The following BLVRA variants were observed in gnomAD, a reference collection of about 807,000 sequenced individuals.
BLVRA encodes BVR A.
Under a neutral mutation model 32.8 loss-of-function variants are expected in BLVRA, and 22 were observed. That is an observed-to-expected ratio of 0.67 (90% CI 0.48 to 0.96). BLVRA has a LOEUF of 0.96. BLVRA is among the 40% of genes least tolerant of loss of function. The pLI is 0.00. For synonymous variants in BLVRA, 119 were observed against 141.3 expected, an observed-to-expected ratio of 0.84 and a Z score of 1.12; for missense variants, 323 against 358.1, an observed-to-expected ratio of 0.90 and a Z score of 0.79.
At chr7:43,785,054 C>A (rs849164) in intron 2 of BLVRA, among the ~76,000 whole-genome samples, 2,001 of 152,230 alleles carry the variant, frequency 0.013, 55 homozygotes, top group African/African-American at 0.046. Flanking sequence ...CTAATGAAAT[C>A]TTAAAAAGCA....
chr7:43,777,779 C>T (rs1252718292), intron 2 of BLVRA, among the ~76,000 whole-genome samples: 2 of 152,158 alleles, frequency 1.3e-5, no homozygotes, highest in Admixed American at 6.5e-5. Flanking sequence ...TTCAGGTACA[C>T]CAATCAGACG....
intron 1 of BLVRA, among the ~76,000 whole-genome samples, chr7:43,762,802 G>A (rs1359704438): frequency 6.6e-6 from 1 of 151,764 alleles, no homozygotes; most frequent in Non-Finnish European, 1.5e-5. Flanking sequence ...AGTAGACATG[G>A]GGTTTCACCA....
intron 1 of BLVRA, among the ~76,000 whole-genome samples, chr7:43,766,591 G>A (rs1400714232): frequency 6.6e-6 from 1 of 152,190 alleles, no homozygotes; most frequent in Admixed American, 6.5e-5. Context: ...ACAATGGGGA[G>A]GAAAGGAGAG....
chr7:43,787,139 T>C lies in BLVRA; in HGVS notation c.13-765T>C, dbSNP rs1276153117. The stretch of plus-strand genomic sequence containing the variant: ...GGTTTCTCCATGTTGGCCAGGCTGG[T>C]CTGGAACTCCTGACCTCAAGTGATC... On this transcript the variant is annotated intron_variant, in intron 2 of 7. Transcript: ENST00000265523. This position sits in a 1 kb window ranked among gnomAD's most constrained non-coding sequence, Gnocchi z 4.5. Among the ~76,000 whole-genome samples the C allele has an allele frequency of 6.6e-6, 1 of 152,140 alleles. No individual in the cohort carries two copies. The highest frequency in any genetic ancestry group is 6.5e-5 in the Admixed American group (1 of 15,274).
intron 5 of BLVRA, among the ~76,000 whole-genome samples, chr7:43,796,353 A>G (rs999376470): frequency 1.3e-5 from 2 of 152,182 alleles, no homozygotes; most frequent in African/African-American, 4.8e-5. Flanking sequence ...AGAAACAAAA[A>G]TCTGAACAGA....
intron 2 of BLVRA, among the ~76,000 whole-genome samples, chr7:43,778,935 C>T (rs1431801168): frequency 1.3e-5 from 2 of 152,244 alleles, no homozygotes; most frequent in Non-Finnish European, 2.9e-5. Flanking sequence ...AGCGAGACTC[C>T]GTGGGCATAG....
chr7:43,805,427 C>T (rs1290235065), intron 7 of BLVRA, among the ~76,000 whole-genome samples: 7 of 152,026 alleles, frequency 4.6e-5, no homozygotes, highest in East Asian at 3.9e-4. Flanking sequence ...GGATTATAGG[C>T]GCCTGCCACC....
intron 2 of BLVRA, among the ~76,000 whole-genome samples, chr7:43,781,003 C>T (rs761654607): frequency 1.6e-4 from 25 of 152,150 alleles, no homozygotes; most frequent in African/African-American, 1.7e-4. Context: ...AAAAATTAGG[C>T]GTAGTGGCAC....
At chr7:43,803,538 T>TA in intron 6 of BLVRA, 138 bp from the exon 7 acceptor site, 1 of 941,728 alleles carries the variant, frequency 1.1e-6, no homozygotes, top group South Asian at 1.3e-5. Flanking sequence ...GTTGCCTGCC[T>TA]ACCACATAAG....
intron 2 of BLVRA, among the ~76,000 whole-genome samples, chr7:43,776,777 A>G (rs969730074): frequency 8.6e-5 from 13 of 151,980 alleles, no homozygotes; most frequent in African/African-American, 2.7e-4. Flanking sequence ...GTGGGAGTCT[A>G]AGTCTCTTTG....
intron 2 of BLVRA, among the ~76,000 whole-genome samples, chr7:43,777,972 G>A (rs2095763440): frequency 6.6e-6 from 1 of 152,132 alleles, no homozygotes; most frequent in Admixed American, 6.5e-5. Context: ...CGTAGTTCTC[G>A]AGCCTTGGCT....
At position 43,806,960 on chromosome 7, in the gene BLVRA, G is replaced by A. The variant is rs1292263352; in HGVS notation, c.633-17G>A. 1.2e-6 allele frequency: 2 copies of A among 1,613,212 alleles called. No individual in the cohort carries two copies. The highest frequency in any genetic ancestry group is 2.2e-5 in the South Asian group (2 of 90,972). On this transcript the variant is annotated splice_polypyrimidine_tract_variant and intron_variant, in intron 7 of 7. Coordinates refer to ENST00000265523, the MANE Select transcript of BLVRA (RefSeq NM_000712.4). ...GTGTAATCTCTAACATGATTCTTTT[G>A]TCTTTTGTCTTTGCAGTCCACTGTC...
intron 6 of BLVRA, among the ~76,000 whole-genome samples, chr7:43,801,833 G>A (rs1288365578): frequency 6.6e-6 from 1 of 152,098 alleles, no homozygotes; most frequent in Admixed American, 6.6e-5. Context: ...TGGCTGCTTA[G>A]TATTCTGTCC....
At chr7:43,777,470 C>T (rs1225455420) in intron 2 of BLVRA, among the ~76,000 whole-genome samples, 2 of 151,792 alleles carry the variant, frequency 1.3e-5, no homozygotes, top group Admixed American at 6.6e-5. Context: ...GAATATTGGC[C>T]CCCACTCTCT....
chr7:43,784,020 C>G (rs983270174), intron 2 of BLVRA, among the ~76,000 whole-genome samples: 4 of 152,086 alleles, frequency 2.6e-5, no homozygotes, highest in Non-Finnish European at 5.9e-5. Flanking sequence ...ATTTTTGCAT[C>G]TGGAGTGCCA....
intron 7 of BLVRA, among the ~76,000 whole-genome samples, chr7:43,804,471 T>G (rs2095802074): frequency 6.6e-6 from 1 of 152,130 alleles, no homozygotes; most frequent in Non-Finnish European, 1.5e-5. Flanking sequence ...GAAATTATGT[T>G]AACTCTGTGA....
rs1221318577 is a variant in BLVRA, at chr7:43,765,082, G to A, written c.-21-6056G>A. ...AAACTCCAAGACTGTTTTGCAGACC[G>A]GCTGCAGTAGATACGGGGGGAGGAG... is the stretch of plus-strand genomic sequence containing the variant. On this transcript the variant is annotated intron_variant, in intron 1 of 7. Coordinates refer to ENST00000265523, the MANE Select transcript of BLVRA (RefSeq NM_000712.4). 3.9e-5 allele frequency among the ~76,000 whole-genome samples: 6 copies of A among 152,284 alleles called. No individual in the cohort carries two copies. The South Asian group carries it at 1.2e-3, about 32-fold the overall frequency.
At chr7:43,806,611 G>A (rs1306042813) in intron 7 of BLVRA, among the ~76,000 whole-genome samples, 2 of 151,948 alleles carry the variant, frequency 1.3e-5, no homozygotes, top group African/African-American at 4.8e-5. Flanking sequence ...AGCCAGGCAT[G>A]GTGGCAGGCG....
chr7:43,775,383 A>C (rs1253590458), intron 2 of BLVRA, among the ~76,000 whole-genome samples: 1 of 152,212 alleles, frequency 6.6e-6, no homozygotes, highest in Non-Finnish European at 1.5e-5. Context: ...CCTTTTCTGC[A>C]TCTATTGAGA....
Sources: gnomAD v4.1 joint callset for allele counts (sites outside exome capture counted in the v4.1 genomes callset) on GRCh38, gnomAD v4.1.1 for gene constraint, Gnocchi (gnomAD v3.1) non-coding constraint, MANE v1.5 for transcripts, NCBI Gene and HGNC (gene_info 2026-07-23, HGNC 2026-07-21) for gene names.